Variants in PHKB observed in about 807,000 individuals in gnomAD.
PHKB encodes phosphorylase b kinase regulatory subunit beta.
A neutral mutation model predicts 152.1 loss-of-function variants in PHKB; 122 were observed. The observed-to-expected ratio is 0.80, with a 90% confidence interval of 0.69 to 0.93. PHKB has a LOEUF of 0.93. Among genes scored for constraint, PHKB ranks in the 40% least tolerant of loss-of-function variants. The pLI, the probability that PHKB is intolerant of heterozygous loss-of-function variation, is 0.00. For synonymous variants in PHKB, 436 were observed against 464.9 expected (o/e 0.94, Z 0.80); for missense variants, 1,304 against 1,328.4 (o/e 0.98, Z 0.29).
At chr16:47,672,488 A>AGT (rs1362730455) in intron 26 of PHKB, among the ~76,000 whole-genome samples, 1 of 152,156 alleles carries the variant, frequency 6.6e-6, no homozygotes, top group African/African-American at 2.4e-5. Context: ...CAGACTGAGA[A>AGT]GTATAGGTTA....
intron 8 of PHKB, among the ~76,000 whole-genome samples, chr16:47,587,281 A>G (rs1049905509): frequency 6.6e-6 from 1 of 152,194 alleles, no homozygotes; most frequent in Non-Finnish European, 1.5e-5. Flanking sequence ...GTTTGATCAT[A>G]TAGTCAATAT....
intron 14 of PHKB, among the ~76,000 whole-genome samples, chr16:47,622,796 G>A (rs1377547467): frequency 6.6e-6 from 1 of 152,164 alleles, no homozygotes; most frequent in African/African-American, 2.4e-5. Context: ...GTACTTGTTT[G>A]CTAAATCATG....
intron 20 of PHKB, among the ~76,000 whole-genome samples, chr16:47,653,663 C>T (rs1048918061): frequency 2.2e-4 from 33 of 152,070 alleles, no homozygotes; most frequent in African/African-American, 7.0e-4. Context: ...CCTCCCATTC[C>T]AGGATGTACC....
rs1034000130 is a variant in PHKB at position 47,614,548 on chromosome 16, G to A, written c.1458+3628G>A. 8.5e-5 allele frequency among the ~76,000 whole-genome samples: 13 copies of A among 152,084 alleles called. No homozygotes were observed. In the East Asian group the frequency reaches 2.5e-3, roughly 29 times the overall value. ...ATCACTTTTTAAGTTTTCATTAGTT[G>A]GTTGTTCTAGGAATTACTGTATACA... On this transcript the variant is annotated intron_variant, in intron 14 of 30. Transcript: ENST00000323584.
chr16:47,623,484 TG>T (rs1273253787), intron 14 of PHKB, among the ~76,000 whole-genome samples: 5 of 148,030 alleles, frequency 3.4e-5, no homozygotes, highest in African/African-American at 7.8e-5. Context: ...CTTTTGAACT[TG>T]GTTTTTTTTT....
At chr16:47,484,723 A>G (rs1435272646) in intron 1 of PHKB, among the ~76,000 whole-genome samples, 2 of 152,312 alleles carry the variant, frequency 1.3e-5, no homozygotes, top group East Asian at 1.9e-4. Flanking sequence ...TTATTTATCT[A>G]GAGATACCAG....
intron 10 of PHKB, 65 bp from the exon 11 acceptor site, chr16:47,593,435 G>C (rs1016197976): frequency 2.0e-5 from 18 of 891,064 alleles, no homozygotes; most frequent in Non-Finnish European, 3.3e-5. Context: ...GTGAGATCTT[G>C]TCTCAAAATA....
intron 1 of PHKB, among the ~76,000 whole-genome samples, chr16:47,468,618 A>G (rs746848934): frequency 1.8e-4 from 27 of 152,246 alleles, no homozygotes; most frequent in Non-Finnish European, 3.2e-4. Flanking sequence ...GTGCCATTGC[A>G]CTCCAGCCTG....
intron 14 of PHKB, among the ~76,000 whole-genome samples, chr16:47,618,188 T>C (rs1360083940): frequency 6.6e-6 from 1 of 152,260 alleles, no homozygotes; most frequent in Non-Finnish European, 1.5e-5. Context: ...GCTTTATTCG[T>C]TAATGCATTT....
intron 6 of PHKB, among the ~76,000 whole-genome samples, chr16:47,538,789 G>A (rs1455756776): frequency 6.6e-6 from 1 of 152,192 alleles, no homozygotes; most frequent in Admixed American, 6.6e-5. Flanking sequence ...TTCTCCACCA[G>A]TTCCCTCCCA....
At chr16:47,604,692 G>T (rs9924144) in intron 13 of PHKB, among the ~76,000 whole-genome samples, 2 of 152,022 alleles carry the variant, frequency 1.3e-5, no homozygotes, top group African/African-American at 4.8e-5. Flanking sequence ...TTTCATTAAA[G>T]AAACAGATTT....
intron 13 of PHKB, among the ~76,000 whole-genome samples, chr16:47,598,456 ACC>A (rs1972162314): frequency 6.6e-6 from 1 of 152,194 alleles, no homozygotes; most frequent in Admixed American, 6.5e-5. Context: ...CTTTGAAATA[ACC>A]TGTGTGAATA....
intron 7 of PHKB, among the ~76,000 whole-genome samples, chr16:47,550,145 C>A (rs2151674180): frequency 6.6e-6 from 1 of 152,306 alleles, no homozygotes; most frequent in East Asian, 1.9e-4. Context: ...TCTATCACCT[C>A]TGATGTCCAA....
chr16:47,473,659 T>C (rs1175519060), intron 1 of PHKB, among the ~76,000 whole-genome samples: 1 of 152,150 alleles, frequency 6.6e-6, no homozygotes, highest in Non-Finnish European at 1.5e-5. Flanking sequence ...AGGATGTTGG[T>C]TTGTGTAGAT....
intron 26 of PHKB, among the ~76,000 whole-genome samples, chr16:47,669,755 G>A (rs1283532873): frequency 6.6e-6 from 1 of 152,198 alleles, no homozygotes; most frequent in Non-Finnish European, 1.5e-5. Context: ...TAGGCCTTAA[G>A]AGAAGAATGA....
intron 14 of PHKB, among the ~76,000 whole-genome samples, chr16:47,625,084 A>G (rs773012422): frequency 1.3e-5 from 2 of 152,100 alleles, no homozygotes; most frequent in African/African-American, 2.4e-5. Context: ...ATAGTCCCCA[A>G]ATATTTTCAC....
intron 14 of PHKB, among the ~76,000 whole-genome samples, chr16:47,632,750 T>G (rs575012820): frequency 6.6e-6 from 1 of 152,202 alleles, no homozygotes; most frequent in Non-Finnish European, 1.5e-5. Context: ...TTAGGGCACA[T>G]TCACATTAAG....
At chr16:47,576,122 C>G (rs1478099832) in intron 7 of PHKB, among the ~76,000 whole-genome samples, 1 of 152,060 alleles carries the variant, frequency 6.6e-6, no homozygotes, top group Non-Finnish European at 1.5e-5. Context: ...AAAACCCAGA[C>G]TTCATCACTA....
At position 47,669,437 on chromosome 16, in the gene PHKB, T is replaced by C; in HGVS notation, c.2630+20T>C. 2.5e-6 allele frequency: 4 copies of C among 1,607,892 alleles called. No homozygotes were observed. Among genetic ancestry groups the C allele is most frequent in the Non-Finnish European group, 3.4e-6 (4 of 1,174,340 alleles). On this transcript the variant is annotated intron_variant, in intron 26 of 30. Coordinates refer to ENST00000323584, the MANE Select transcript of PHKB (RefSeq NM_000293.3). ...AATCGGGTGAGTGAAGTCCTTTGCA[T>C]TTGCATAAAGAGAATTGTTCAAGTT...
Sources: gnomAD v4.1 joint callset for allele counts (sites outside exome capture counted in the v4.1 genomes callset) on GRCh38, gnomAD v4.1.1 for gene constraint, MANE v1.5 for transcripts, NCBI Gene and HGNC (gene_info 2026-07-23, HGNC 2026-07-21) for gene names.